VAT1L: variants seen among roughly 807,000 people sequenced by gnomAD.
The protein encoded by VAT1L is putative NADPH-dependent quinone oxidoreductase VAT1L.
Under a neutral mutation model 44.1 loss-of-function variants are expected in VAT1L, and 34 were observed. The ratio of observed to expected loss-of-function variants is 0.77; its 90% CI spans 0.59 to 1.03. VAT1L has a LOEUF of 1.03. VAT1L is among the 50% of genes least tolerant of loss of function. The probability of loss-of-function intolerance (pLI) is 0.00; values close to 1 mark genes in which losing one functional copy is unlikely to be tolerated. For missense variants in VAT1L, 615 were observed against 538.8 expected (o/e 1.14, Z -1.40); for synonymous variants, 253 against 202.2 (o/e 1.25, Z -2.13).
chr16:77,893,305 G>T (rs1033285825), intron 7 of VAT1L, among the ~76,000 whole-genome samples: 1 of 152,166 alleles, frequency 6.6e-6, no homozygotes. Context: ...ACCCATCTCA[G>T]CCATTGACAG....
At chr16:77,943,392 T>C (rs188600345) in intron 7 of VAT1L, among the ~76,000 whole-genome samples, 2 of 147,930 alleles carry the variant, frequency 1.4e-5, no homozygotes, top group East Asian at 4.0e-4. Context: ...TTTTTTTTTT[T>C]TTTTTGAGAC....
chr16:77,862,650 C>T lies in VAT1L; in HGVS notation c.580-98C>T, dbSNP rs940532560. On this transcript the variant is annotated intron_variant, in intron 3 of 8. Coordinates refer to ENST00000302536, the MANE Select transcript of VAT1L (RefSeq NM_020927.3). ...AAAAAAAAAAAAAAAAAAAAAAAGTCAATAGTGCCGATGGAGAAATCCTGC... is the reference window on the plus strand; with the variant it reads ...AAAAAAAAAAAAAAAAAAAAAAAGTTAATAGTGCCGATGGAGAAATCCTGC... The T allele has an allele frequency of 1.0e-5, 6 of 594,776 alleles. No individual in the cohort carries two copies. The Admixed American group carries it at 1.1e-4, about 10-fold the overall frequency. 36.8% of individuals were successfully genotyped at this position (594,776 alleles called of 1,614,324 possible).
chr16:77,868,579 A>C (rs1057421926), intron 4 of VAT1L, among the ~76,000 whole-genome samples: 1 of 152,206 alleles, frequency 6.6e-6, no homozygotes, highest in Non-Finnish European at 1.5e-5. Flanking sequence ...TCACACAAAT[A>C]GACGTGACGG....
At chr16:77,798,636 G>C (rs574396832) in intron 1 of VAT1L, among the ~76,000 whole-genome samples, 5 of 152,256 alleles carry the variant, frequency 3.3e-5, no homozygotes, top group Admixed American at 2.6e-4. Flanking sequence ...GCTTCATAAA[G>C]TTTTCTGAAT....
At position 77,788,901 on chromosome 16, in the gene VAT1L, C is replaced by T. The variant is rs1458682280; in HGVS notation, c.219C>T (p.Ile73=). ...MPEPQDGELK[I]RVKACGLNFI... ...AGCCTCAGGACGGCGAGCTCAAGAT[C>T]CGCGTCAAAGCCTGGTCCAGTATCC... Residue 73 remains isoleucine, a synonymous_variant, in exon 1 of 9, where the codon ATC becomes ATT. Transcript: ENST00000302536. 7 of 1,531,874 alleles carry T rather than the reference C, an allele frequency of 4.6e-6. No homozygotes were observed. The East Asian group carries it at 7.1e-5, about 16-fold the overall frequency. The allele number at this position is 1,531,874 out of a possible 1,614,324, so 94.9% of individuals were successfully genotyped here.
chr16:77,963,237 C>T (rs1352570454), intron 7 of VAT1L, among the ~76,000 whole-genome samples: 2 of 152,068 alleles, frequency 1.3e-5, no homozygotes, highest in Non-Finnish European at 2.9e-5. Context: ...CGGACTTTGC[C>T]GATGAGATTA....
intron 7 of VAT1L, among the ~76,000 whole-genome samples, chr16:77,952,498 C>T (rs2018055628): frequency 1.3e-5 from 2 of 152,060 alleles, no homozygotes; most frequent in African/African-American, 4.8e-5. Context: ...TGCCATGTGA[C>T]ATGCCTGCTC....
Position 77,876,358 on chromosome 16 carries a change from C to G in VAT1L, c.723-12C>G. On this transcript the variant is annotated splice_polypyrimidine_tract_variant and intron_variant, in intron 4 of 8. Transcript: ENST00000302536. ...AGGTCACAGAATTTTGCTTTGCCTT[C>G]TCACCATTTAGAATCTCTGCTGAAG... 4.3e-6 allele frequency: 7 copies of G among 1,613,584 alleles called. No homozygotes were observed. The highest frequency in any genetic ancestry group is 5.9e-6 in the Non-Finnish European group (7 of 1,179,504).
intron 7 of VAT1L, among the ~76,000 whole-genome samples, chr16:77,934,322 A>G (rs2017767118): frequency 6.6e-6 from 1 of 152,098 alleles, no homozygotes; most frequent in African/African-American, 2.4e-5. Flanking sequence ...CACCCCCAAG[A>G]TGACCCTGTT....
intron 4 of VAT1L, among the ~76,000 whole-genome samples, chr16:77,867,846 G>A (rs1166455518): frequency 2.1e-5 from 3 of 142,832 alleles, no homozygotes; most frequent in South Asian, 2.3e-4. Flanking sequence ...GCGACAGAGC[G>A]AGACTATCTT....
intron 6 of VAT1L, among the ~76,000 whole-genome samples, chr16:77,882,729 C>T (rs1307465580): frequency 1.3e-5 from 2 of 152,260 alleles, no homozygotes; most frequent in Non-Finnish European, 2.9e-5. Context: ...ATTGCAGATA[C>T]ACTGTGAATC....
intron 7 of VAT1L, among the ~76,000 whole-genome samples, chr16:77,946,426 G>A (rs2017967497): frequency 6.6e-6 from 1 of 151,354 alleles, no homozygotes; most frequent in African/African-American, 2.4e-5. Flanking sequence ...TGGGACTATA[G>A]GCACCCGCCA....
chr16:77,936,352 G>A (rs1427654151), intron 7 of VAT1L, among the ~76,000 whole-genome samples: 1 of 152,166 alleles, frequency 6.6e-6, no homozygotes, highest in Non-Finnish European at 1.5e-5. Context: ...TGCCCAGGAT[G>A]ACTACAGTGA....
chr16:77,940,504 T>C (rs1461854744), intron 7 of VAT1L, among the ~76,000 whole-genome samples: 9 of 151,780 alleles, frequency 5.9e-5, no homozygotes, highest in African/African-American at 2.2e-4. Flanking sequence ...CTACCATGCC[T>C]GGGTAATTTT....
At chr16:77,906,819 A>AAGGAACTGCC (rs1333848960) in intron 7 of VAT1L, among the ~76,000 whole-genome samples, 1 of 152,228 alleles carries the variant, frequency 6.6e-6, no homozygotes, top group Admixed American at 6.5e-5. Flanking sequence ...GGCAGGGCCC[A>AAGGAACTGCC]AGGAACTGCC....
chr16:77,885,920 T>C (rs1264743712), intron 7 of VAT1L, among the ~76,000 whole-genome samples: 1 of 152,166 alleles, frequency 6.6e-6, no homozygotes, highest in African/African-American at 2.4e-5. Flanking sequence ...GGAATGTGCC[T>C]ATATCTCTCT....
At chr16:77,882,254 C>T (rs1883993599) in intron 6 of VAT1L, 1 of 152,206 alleles carries the variant, frequency 6.6e-6, no homozygotes, top group East Asian at 1.9e-4. Context: ...ACAGGAATTT[C>T]CCACTCAGCT....
chr16:77,937,245 G>A (rs187974673), intron 7 of VAT1L, among the ~76,000 whole-genome samples: 1 of 151,442 alleles, frequency 6.6e-6, no homozygotes, highest in Non-Finnish European at 1.5e-5. Flanking sequence ...GTTCCCTTCA[G>A]GTTCATCGTC....
chr16:77,858,599 C>T (rs1365361763), intron 3 of VAT1L, among the ~76,000 whole-genome samples: 8 of 152,128 alleles, frequency 5.3e-5, no homozygotes, highest in South Asian at 2.1e-4. Context: ...GGTGCCAATA[C>T]GTTGCTCAGC....
Sources: allele counts gnomAD v4.1 joint callset (sites outside exome capture counted in the v4.1 genomes callset), GRCh38; gene constraint gnomAD v4.1.1; transcripts MANE v1.5; gene names NCBI Gene and HGNC (gene_info 2026-07-23, HGNC 2026-07-21).